The following SI variants were observed in gnomAD, a reference collection of about 807,000 sequenced individuals.
SI encodes sucrase-isomaltase, intestinal.
In SI, 235 loss-of-function variants were observed where a neutral mutation model predicts 253.3. The ratio of observed to expected loss-of-function variants is 0.93; its 90% CI spans 0.83 to 1.03. SI has a LOEUF of 1.03. SI is among the 50% of genes least tolerant of loss of function. The pLI is 0.00. For synonymous variants in SI, 819 were observed against 712.0 expected (o/e 1.15, Z -2.39); for missense variants, 2,442 against 2,211.1 (o/e 1.10, Z -2.09).
intron 33 of SI, among the ~76,000 whole-genome samples, chr3:165,014,427 T>C (rs1004384760): frequency 2.0e-5 from 3 of 152,094 alleles, no homozygotes; most frequent in Non-Finnish European, 4.4e-5. Flanking sequence ...TTTTTTGTAT[T>C]TTTAGTAGAG....
intron 47 of SI, among the ~76,000 whole-genome samples, chr3:164,981,764 G>A (rs1717200016): frequency 6.6e-6 from 1 of 152,090 alleles, no homozygotes; most frequent in Non-Finnish European, 1.5e-5. Context: ...TCAAAGTAAA[G>A]AGCTAAATAC....
At chr3:165,067,957 A>C (rs1714334881) in intron 5 of SI, among the ~76,000 whole-genome samples, 1 of 151,940 alleles carries the variant, frequency 6.6e-6, no homozygotes, top group Non-Finnish European at 1.5e-5. Flanking sequence ...GAGAAAAAGA[A>C]AAATTTAGTT....
chr3:165,036,045 G>A (rs1194207782), intron 22 of SI, among the ~76,000 whole-genome samples: 1 of 151,678 alleles, frequency 6.6e-6, no homozygotes, highest in African/African-American at 2.4e-5. Context: ...CAAAATTTTA[G>A]TTATAATCAC....
chr3:164,982,196 G>A, intron 47 of SI, 47 bp downstream of exon 47: 1 of 1,436,384 alleles, frequency 7.0e-7, no homozygotes, highest in East Asian at 2.3e-5. Flanking sequence ...CCATGTAGAT[G>A]CTTTAAATAC....
chr3:165,034,224 G>A (rs559912201), intron 22 of SI, among the ~76,000 whole-genome samples: 1 of 151,730 alleles, frequency 6.6e-6, no homozygotes, highest in African/African-American at 2.4e-5. Flanking sequence ...CAGAATTCTG[G>A]TTTTCTTTCA....
intron 47 of SI, among the ~76,000 whole-genome samples, chr3:164,981,752 G>A (rs1005748734): frequency 3.9e-5 from 6 of 152,122 alleles, no homozygotes; most frequent in African/African-American, 1.4e-4. Context: ...AAAATTTTTT[G>A]TTCAAAGTAA....
chr3:165,002,132 G>A (rs1718282705), intron 37 of SI, among the ~76,000 whole-genome samples: 1 of 151,390 alleles, frequency 6.6e-6, no homozygotes, highest in East Asian at 1.9e-4. Context: ...AAAGCTTTTG[G>A]TAAAAATGAA....
At chr3:165,068,059 G>A (rs953324419) in intron 5 of SI, among the ~76,000 whole-genome samples, 7 of 151,476 alleles carry the variant, frequency 4.6e-5, no homozygotes, top group African/African-American at 1.7e-4. Flanking sequence ...TAAACTACGT[G>A]CTAAAAAAAA....
At chr3:165,079,195 A>G (rs1277701390), upstream of SI, among the ~76,000 whole-genome samples, 1 of 151,686 alleles carries the variant, frequency 6.6e-6, no homozygotes, top group Non-Finnish European at 1.5e-5. Context: ...TGGATTTGAT[A>G]TAATAAATTT....
At chr3:165,068,155 A>C (rs1184816733) in intron 5 of SI, among the ~76,000 whole-genome samples, 1 of 136,378 alleles carries the variant, frequency 7.3e-6, no homozygotes, top group Non-Finnish European at 1.6e-5. Flanking sequence ...ACTTTTCTGA[A>C]ATTAAATTTT....
intron 13 of SI, among the ~76,000 whole-genome samples, chr3:165,051,345 C>T (rs1276517849): frequency 6.6e-6 from 1 of 152,022 alleles, no homozygotes; most frequent in African/African-American, 2.4e-5. Context: ...GTATATATTT[C>T]CACTTCCCAA....
intron 45 of SI, among the ~76,000 whole-genome samples, chr3:164,984,824 T>C (rs1220958890): frequency 6.6e-6 from 1 of 152,142 alleles, no homozygotes; most frequent in Non-Finnish European, 1.5e-5. Flanking sequence ...TCATTTCAGA[T>C]TGGATGCCCA....
chr3:165,062,241 T>C (rs939503803), intron 9 of SI, 130 bp downstream of exon 9: 1 of 632,754 alleles, frequency 1.6e-6, no homozygotes, highest in Non-Finnish European at 2.8e-6. Flanking sequence ...ATCTTAAATA[T>C]GATAAGATTT....
In SI at chr3:165,006,887, A is replaced by G. The variant is rs1170079741; in HGVS notation, c.4335T>C (p.Ser1445=). The change falls in exon 37 of 48, where the codon AGT becomes AGC. Residue 1445 remains serine (S), a synonymous_variant. Coordinates refer to ENST00000264382, the MANE Select transcript of SI (RefSeq NM_001041.4). The stretch of plus-strand genomic sequence containing the variant: ...CGTAATGCAAAACTGATGTTCCATC[A>G]CTAAGAATCTGCTCAGCTTCCATGC... ...TICMEAEQIL[S]DGTSVLHYDV... is the part of the protein sequence containing the mutation. The G allele has an allele frequency of 6.2e-7, 1 of 1,611,666 alleles. No individual in the cohort carries two copies. The highest frequency in any genetic ancestry group is 8.5e-7 in the Non-Finnish European group (1 of 1,177,976).
chr3:165,003,415 A>T (rs142984937), intron 37 of SI, among the ~76,000 whole-genome samples: 170 of 152,146 alleles, frequency 1.1e-3, no homozygotes, highest in Admixed American at 3.1e-3. Flanking sequence ...GGGTTAATCA[A>T]AAGTAACATT....
At chr3:164,981,881 G>A (rs1717205034) in intron 47 of SI, among the ~76,000 whole-genome samples, 1 of 152,046 alleles carries the variant, frequency 6.6e-6, no homozygotes, top group Non-Finnish European at 1.5e-5. Flanking sequence ...TATTAAGTTT[G>A]CAAGAATTTT....
chr3:165,031,297 A>T (rs1347754235), intron 24 of SI, among the ~76,000 whole-genome samples: 1 of 149,194 alleles, frequency 6.7e-6, no homozygotes, highest in Non-Finnish European at 1.5e-5. Flanking sequence ...TATAAAGATC[A>T]ATCTATGCAC....
intron 17 of SI, 33 bp from the exon 18 acceptor site, chr3:165,041,127 A>C (rs1295439768): frequency 6.2e-7 from 1 of 1,602,778 alleles, no homozygotes. Flanking sequence ...AAAATAAGAA[A>C]GCTAAAGTAT....
At chr3:165,072,675 G>T (rs1054308613) in intron 3 of SI, among the ~76,000 whole-genome samples, 1 of 151,986 alleles carries the variant, frequency 6.6e-6, no homozygotes, top group South Asian at 2.1e-4. Flanking sequence ...CGTGAAACAT[G>T]AGCTCACATT....
Sources: allele counts gnomAD v4.1 joint callset (sites outside exome capture counted in the v4.1 genomes callset), GRCh38; gene constraint gnomAD v4.1.1; transcripts MANE v1.5; gene names NCBI Gene and HGNC (gene_info 2026-07-23, HGNC 2026-07-21).